Variants in ACSS3 observed in about 807,000 individuals in gnomAD.
The protein encoded by ACSS3 is acyl-CoA synthetase short chain family member 3.
A neutral mutation model predicts 84.2 loss-of-function variants in ACSS3; 64 were observed. The ratio of observed to expected loss-of-function variants is 0.76; its 90% CI spans 0.62 to 0.94. The LOEUF (loss-of-function observed/expected upper bound fraction) is 0.94. Ranked by LOEUF, ACSS3 falls within the 40% of genes least tolerant of loss-of-function variation. The pLI, the probability that ACSS3 is intolerant of heterozygous loss-of-function variation, is 0.00. For missense variants in ACSS3, 815 were observed against 867.6 expected (o/e 0.94, Z 0.76); for synonymous variants, 317 against 310.1 (o/e 1.02, Z -0.23).
chr12:81,195,586 A>G (rs745920722), intron 8 of ACSS3, among the ~76,000 whole-genome samples: 3 of 151,988 alleles, frequency 2.0e-5, no homozygotes, highest in Non-Finnish European at 4.4e-5. Flanking sequence ...TTGTCAAAAA[A>G]ATTGTGTGGT....
intron 9 of ACSS3, among the ~76,000 whole-genome samples, chr12:81,216,597 A>G (rs188759840): frequency 0.01 from 1,565 of 152,268 alleles, 20 homozygotes; most frequent in Non-Finnish European, 0.014. Flanking sequence ...CAAGTCACAT[A>G]ATTTTCCATT....
chr12:81,212,211 A>G (rs981255133), intron 9 of ACSS3, among the ~76,000 whole-genome samples: 1 of 152,160 alleles, frequency 6.6e-6, no homozygotes, highest in Non-Finnish European at 1.5e-5. Context: ...GTTGTTCATT[A>G]TCTCCCCAGT....
intron 1 of ACSS3, among the ~76,000 whole-genome samples, chr12:81,096,837 A>C (rs1882097868): frequency 6.6e-6 from 1 of 152,098 alleles, no homozygotes; most frequent in African/African-American, 2.4e-5. Context: ...TCCATGGTGT[A>C]TATGTGCCAC....
chr12:81,173,274 C>G (rs1229959616), intron 7 of ACSS3, among the ~76,000 whole-genome samples: 1 of 152,158 alleles, frequency 6.6e-6, no homozygotes, highest in Non-Finnish European at 1.5e-5. Context: ...CTGTATTTTG[C>G]AGCTTTTTGT....
chr12:81,144,544 G>T (rs1244329407), intron 5 of ACSS3, among the ~76,000 whole-genome samples: 1 of 152,058 alleles, frequency 6.6e-6, no homozygotes, highest in African/African-American at 2.4e-5. Context: ...TGAACATTTG[G>T]CTATAAAATA....
At chr12:81,172,930 T>C (rs564622787) in intron 7 of ACSS3, among the ~76,000 whole-genome samples, 1 of 152,340 alleles carries the variant, frequency 6.6e-6, no homozygotes, top group Non-Finnish European at 1.5e-5. Flanking sequence ...GGAGGTTAAA[T>C]TATCCTACAT....
intron 9 of ACSS3, among the ~76,000 whole-genome samples, chr12:81,201,104 T>C (rs2032086497): frequency 6.6e-6 from 1 of 152,126 alleles, no homozygotes. Flanking sequence ...ATACAAAGTA[T>C]AAGAAGGAAT....
At chr12:81,153,699 G>A (rs1423645663) in intron 7 of ACSS3, among the ~76,000 whole-genome samples, 1 of 152,142 alleles carries the variant, frequency 6.6e-6, no homozygotes, top group African/African-American at 2.4e-5. Flanking sequence ...TATATGTGGG[G>A]TGTGGAGAAT....
chr12:81,083,381 G>A (rs540981189), intron 1 of ACSS3, among the ~76,000 whole-genome samples: 16 of 140,756 alleles, frequency 1.1e-4, no homozygotes, highest in South Asian at 8.9e-4. Flanking sequence ...CTTTTGAGAC[G>A]GAGTCTCACT....
intron 5 of ACSS3, among the ~76,000 whole-genome samples, chr12:81,145,941 G>A (rs902516606): frequency 6.6e-6 from 1 of 152,190 alleles, no homozygotes; most frequent in Non-Finnish European, 1.5e-5. Flanking sequence ...GCAAAAGAAG[G>A]TAGTTATCTC....
chr12:81,222,973 C>T (rs1264666992), intron 11 of ACSS3, among the ~76,000 whole-genome samples: 1 of 152,022 alleles, frequency 6.6e-6, no homozygotes, highest in Non-Finnish European at 1.5e-5. Flanking sequence ...ATCTGAATTC[C>T]TATGCACACA....
chr12:81,196,998 A>C (rs1053234408), intron 8 of ACSS3, among the ~76,000 whole-genome samples: 2 of 152,198 alleles, frequency 1.3e-5, no homozygotes, highest in African/African-American at 4.8e-5. Flanking sequence ...TTATTGCAAA[A>C]AATAAAATGT....
intron 8 of ACSS3, among the ~76,000 whole-genome samples, chr12:81,176,021 T>A (rs1350161409): frequency 1.3e-5 from 2 of 151,724 alleles, no homozygotes; most frequent in Non-Finnish European, 2.9e-5. Flanking sequence ...CTGAAAAAAA[T>A]TTAGATGCTA....
chr12:81,252,490 C>CTG (rs2034184657), intron 13 of ACSS3, among the ~76,000 whole-genome samples: 1 of 151,990 alleles, frequency 6.6e-6, no homozygotes, highest in African/African-American at 2.4e-5. Context: ...ACTGTTTTCT[C>CTG]TAGCTATTAG....
intron 1 of ACSS3, among the ~76,000 whole-genome samples, chr12:81,093,910 A>G (rs1338961435): frequency 6.6e-6 from 1 of 152,168 alleles, no homozygotes; most frequent in South Asian, 2.1e-4. Flanking sequence ...TTATAGAGAA[A>G]TGGAATTGTA....
At chr12:81,145,976 G>A (rs1362375798) in intron 5 of ACSS3, among the ~76,000 whole-genome samples, 1 of 152,144 alleles carries the variant, frequency 6.6e-6, no homozygotes, top group Non-Finnish European at 1.5e-5. Flanking sequence ...CCTTCCAGTG[G>A]ACTTTAGGGT....
At chr12:81,100,951 T>A (rs1244879991) in intron 1 of ACSS3, among the ~76,000 whole-genome samples, 1 of 152,198 alleles carries the variant, frequency 6.6e-6, no homozygotes, top group East Asian at 1.9e-4. Flanking sequence ...ATCTTACAAA[T>A]GCCTAGAAGG....
intron 13 of ACSS3, among the ~76,000 whole-genome samples, chr12:81,236,854 C>A (rs916153998): frequency 6.6e-6 from 1 of 151,164 alleles, no homozygotes; most frequent in Non-Finnish European, 1.5e-5. Context: ...TAATATTCAT[C>A]TTTGACAGTT....
At chr12:81,190,356 TA>T (rs887363358) in intron 8 of ACSS3, among the ~76,000 whole-genome samples, 2 of 152,084 alleles carry the variant, frequency 1.3e-5, no homozygotes, top group African/African-American at 4.8e-5. Context: ...CATATCTTTT[TA>T]TATTTAAGAA....
Sources: allele counts gnomAD v4.1 joint callset (sites outside exome capture counted in the v4.1 genomes callset), GRCh38; gene constraint gnomAD v4.1.1; transcripts MANE v1.5; gene names NCBI Gene and HGNC (gene_info 2026-07-23, HGNC 2026-07-21).